The following SDC3 variants were observed in gnomAD, a reference collection of about 807,000 sequenced individuals.
The protein encoded by SDC3 is syndecan-3.
In SDC3, 13 loss-of-function variants were observed where a neutral mutation model predicts 24.4. The observed-to-expected ratio is 0.53, with a 90% CI of 0.35 to 0.85. The LOEUF is 0.85. Ranked by LOEUF, SDC3 falls within the 40% of genes least tolerant of loss-of-function variation. The pLI, the probability that SDC3 is intolerant of heterozygous loss-of-function variation, is 0.01. For synonymous variants in SDC3, 295 were observed against 260.9 expected (o/e 1.13, Z -1.26); for missense variants, 571 against 584.5 (o/e 0.98, Z 0.24).
intron 1 of SDC3, among the ~76,000 whole-genome samples, chr1:30,908,033 C>G (rs1038253815): frequency 6.6e-6 from 1 of 152,208 alleles, no homozygotes; most frequent in Non-Finnish European, 1.5e-5. Context: ...CCGGGTCCTT[C>G]TCGCGCCTCC....
chr1:30,874,277 GC>G lies in SDC3; in HGVS notation c.1162+19del. Reference sequence around the variant, plus strand: ...CTGGTATCCTCCCAGGCTCCCCTTGGCCCAGACCCCAAGCCTCACCTACGAG... The same window carrying G: ...CTGGTATCCTCCCAGGCTCCCCTTGGCCAGACCCCAAGCCTCACCTACGAG... On this transcript the variant is annotated intron_variant, in intron 4 of 4. Coordinates refer to ENST00000339394, the MANE Select transcript of SDC3 (RefSeq NM_014654.4). 1 of 1,583,278 alleles carries G rather than the reference GC, an allele frequency of 6.3e-7. No homozygotes were observed.
intron 1 of SDC3, among the ~76,000 whole-genome samples, chr1:30,895,890 C>A (rs984553883): frequency 1.3e-5 from 2 of 151,336 alleles, no homozygotes; most frequent in Non-Finnish European, 3.0e-5. Context: ...GGGGGCTGAG[C>A]AGAGACGGAG....
intron 1 of SDC3, among the ~76,000 whole-genome samples, chr1:30,893,558 C>T (rs1044128882): frequency 2.6e-5 from 4 of 152,058 alleles, no homozygotes; most frequent in Admixed American, 6.5e-5. Flanking sequence ...CCATCCCACC[C>T]TAGTCTCAGG....
rs1639562068 is a variant in SDC3, at chr1:30,872,754, G to A, written c.*457C>T. On this transcript the variant is annotated 3_prime_UTR_variant, in exon 5 of 5. Coordinates refer to ENST00000339394, the MANE Select transcript of SDC3 (RefSeq NM_014654.4). ...TGGGATACGAGCAAGAGGTTGCAGTGTCTAGATGATTTCAAGGGCTGTGTT... is the reference window on the plus strand; with the variant it reads ...TGGGATACGAGCAAGAGGTTGCAGTATCTAGATGATTTCAAGGGCTGTGTT... 2 of 186,376 alleles carry A rather than the reference G, an allele frequency of 1.1e-5. No individual in the cohort carries two copies. The highest frequency in any genetic ancestry group is 2.3e-4 in the South Asian group (2 of 8,512). The allele number at this position is 186,376 out of a possible 1,614,324, so 11.5% of individuals were successfully genotyped here.
At chr1:30,900,362 C>T (rs560123233) in intron 1 of SDC3, among the ~76,000 whole-genome samples, 54 of 152,312 alleles carry the variant, frequency 3.5e-4, no homozygotes, top group African/African-American at 1.3e-3. Flanking sequence ...GTCTCCCTGA[C>T]ACAGGGAGCA....
chr1:30,884,324 G>C (rs1639796602), intron 1 of SDC3, among the ~76,000 whole-genome samples: 1 of 147,704 alleles, frequency 6.8e-6, no homozygotes, highest in African/African-American at 2.5e-5. Flanking sequence ...CCTCCCACTC[G>C]CCCCAACTCA....
At chr1:30,891,288 G>T (rs1007593734) in intron 1 of SDC3, among the ~76,000 whole-genome samples, 1 of 152,184 alleles carries the variant, frequency 6.6e-6, no homozygotes, top group Non-Finnish European at 1.5e-5. Context: ...GCCTCTTCAG[G>T]CCCCACCCTT....
intron 1 of SDC3, among the ~76,000 whole-genome samples, chr1:30,890,256 G>A (rs541091468): frequency 5.3e-5 from 8 of 152,264 alleles, no homozygotes; most frequent in East Asian, 1.9e-4. Flanking sequence ...GCAGGGAGCC[G>A]AGATCATGCC....
intron 1 of SDC3, among the ~76,000 whole-genome samples, chr1:30,907,461 G>A (rs1638545175): frequency 6.6e-6 from 1 of 152,062 alleles, no homozygotes; most frequent in African/African-American, 2.4e-5. Flanking sequence ...TATGTCCAGG[G>A]TCCCCCATGC....
chr1:30,877,210 TG>T, intron 2 of SDC3, 45 bp from the exon 3 acceptor site: 1 of 1,612,004 alleles, frequency 6.2e-7, no homozygotes, highest in East Asian at 2.2e-5. Context: ...GCTGGGTGGT[TG>T]TGAGGGGCAT....
At chr1:30,893,518 C>G (rs939461272) in intron 1 of SDC3, among the ~76,000 whole-genome samples, 1 of 152,036 alleles carries the variant, frequency 6.6e-6, no homozygotes, top group African/African-American at 2.4e-5. Context: ...TAATGCCCAG[C>G]TCACGCGTCC....
rs565421958 is a variant in SDC3 at position 30,902,325 on chromosome 1, G to A, written c.138+6124C>T. 9.5e-4 allele frequency among the ~76,000 whole-genome samples: 145 copies of A among 152,308 alleles called. 1 individual carries two copies. Among genetic ancestry groups the A allele is most frequent in the African/African-American group, 3.3e-3 (136 of 41,574 alleles). ...CTGTAATCACGGCTTCCTGTTTGGC[G>A]CTGAGACTGGGCTTGGCCAGTGGGG... is the stretch of plus-strand genomic sequence containing the variant. On this transcript the variant is annotated intron_variant, in intron 1 of 4. Coordinates refer to ENST00000339394, the MANE Select transcript of SDC3 (RefSeq NM_014654.4).
At chr1:30,907,782 C>T (rs1638553750) in intron 1 of SDC3, among the ~76,000 whole-genome samples, 1 of 152,178 alleles carries the variant, frequency 6.6e-6, no homozygotes, top group African/African-American at 2.4e-5. Flanking sequence ...GGGTTACCCT[C>T]ACTCCCCCCT....
intron 1 of SDC3, among the ~76,000 whole-genome samples, chr1:30,903,840 G>A (rs1345656157): frequency 6.6e-6 from 1 of 152,168 alleles, no homozygotes; most frequent in Non-Finnish European, 1.5e-5. Context: ...AGCCTGTCAG[G>A]CCCTGGCTCA....
intron 1 of SDC3, among the ~76,000 whole-genome samples, chr1:30,894,075 G>A (rs1356910848): frequency 6.6e-6 from 1 of 152,058 alleles, no homozygotes; most frequent in African/African-American, 2.4e-5. Context: ...GGGATTAAGA[G>A]TCAGGATTAA....
chr1:30,881,195 C>T lies in SDC3; in HGVS notation c.139-2455G>A, dbSNP rs77981254. Among the ~76,000 whole-genome samples the T allele has an allele frequency of 7.2e-3, 1,098 of 151,974 alleles. 11 individuals carry two copies. The highest frequency in any genetic ancestry group is 0.025 in the African/African-American group (1,037 of 41,390). ...CAGCCTATAGGCAATACAGCCCAGC[C>T]CACACCAGCACACACTCACCCATCT... On this transcript the variant is annotated intron_variant, in intron 1 of 4. Transcript: ENST00000339394.
chr1:30,900,267 C>T (rs1638386673), intron 1 of SDC3, among the ~76,000 whole-genome samples: 2 of 152,206 alleles, frequency 1.3e-5, no homozygotes, highest in Non-Finnish European at 1.5e-5. Context: ...GCACTTAGAA[C>T]CACACCTAGC....
At chr1:30,906,053 G>A (rs772374076) in intron 1 of SDC3, among the ~76,000 whole-genome samples, 15 of 152,010 alleles carry the variant, frequency 9.9e-5, no homozygotes, top group Non-Finnish European at 1.8e-4. Flanking sequence ...GCCAGCCACC[G>A]CTCATCTACC....
chr1:30,902,190 G>T (rs1249164014), intron 1 of SDC3, among the ~76,000 whole-genome samples: 2 of 152,174 alleles, frequency 1.3e-5, no homozygotes, highest in South Asian at 2.1e-4. Context: ...CAGCATAGGC[G>T]TTTCCTGCCC....
Sources: gnomAD v4.1 joint callset for allele counts (sites outside exome capture counted in the v4.1 genomes callset) on GRCh38, gnomAD v4.1.1 for gene constraint, MANE v1.5 for transcripts, NCBI Gene and HGNC (gene_info 2026-07-23, HGNC 2026-07-21) for gene names.